Variants in TM2D1 observed in about 807,000 individuals in gnomAD.
The protein encoded by TM2D1 is TM2 domain-containing protein 1.
Under a neutral mutation model 28.4 loss-of-function variants are expected in TM2D1, and 15 were observed. The ratio of observed to expected loss-of-function variants is 0.53; its 90% CI spans 0.35 to 0.81. The LOEUF is 0.81. Among genes scored for constraint, TM2D1 ranks in the 40% least tolerant of loss-of-function variants. The pLI is 0.01. For missense variants in TM2D1, 236 were observed against 254.9 expected, an observed-to-expected ratio of 0.93 and a Z score of 0.50; for synonymous variants, 93 against 96.2, an observed-to-expected ratio of 0.97 and a Z score of 0.20.
At chr1:61,684,270 A>T (rs1644267876) in intron 5 of TM2D1, among the ~76,000 whole-genome samples, 1 of 152,206 alleles carries the variant, frequency 6.6e-6, no homozygotes, top group Non-Finnish European at 1.5e-5. Context: ...ACCAAGGTGT[A>T]TGTGGGCCCA....
chr1:61,716,957 C>A (rs1403799268), intron 2 of TM2D1, among the ~76,000 whole-genome samples: 1 of 152,008 alleles, frequency 6.6e-6, no homozygotes, highest in East Asian at 1.9e-4. Flanking sequence ...AACTCATTAC[C>A]CTTAATCAAT....
intron 2 of TM2D1, among the ~76,000 whole-genome samples, chr1:61,713,236 G>A (rs1312275704): frequency 6.6e-6 from 1 of 151,740 alleles, no homozygotes; most frequent in Non-Finnish European, 1.5e-5. Context: ...CCAGCACTTT[G>A]GGAGGCCGAG....
chr1:61,707,979 G>C (rs1644452915), intron 3 of TM2D1, among the ~76,000 whole-genome samples: 1 of 152,134 alleles, frequency 6.6e-6, no homozygotes, highest in Non-Finnish European at 1.5e-5. Context: ...ACTAAATCAT[G>C]TTTTTAGTAC....
chr1:61,724,716 A>C (rs2148073908), intron 1 of TM2D1, among the ~76,000 whole-genome samples: 1 of 152,290 alleles, frequency 6.6e-6, no homozygotes, highest in Non-Finnish European at 1.5e-5. Flanking sequence ...AGAAAAAAAA[A>C]GTGGATCAGA....
chr1:61,723,681 T>C (rs1644584024), intron 2 of TM2D1, 32 bp downstream of exon 2: 1 of 1,267,376 alleles, frequency 7.9e-7, no homozygotes, highest in Non-Finnish European at 1.1e-6. Context: ...TTTTTAAAAT[T>C]ATTTTTAAAG....
intron 5 of TM2D1, chr1:61,687,038 TCTGC>T: frequency 6.5e-6 from 6 of 929,616 alleles, no homozygotes; most frequent in Non-Finnish European, 7.7e-6. Flanking sequence ...AGTTTATTTC[TCTGC>T]TAAGAAATAT....
rs553586258 is a variant in TM2D1, at chr1:61,704,666, A to G, written c.348-3641T>C. Among the ~76,000 whole-genome samples, 254 of 152,224 alleles carry G rather than the reference A, an allele frequency of 1.7e-3. 3 individuals carry two copies. The highest frequency in any genetic ancestry group is 5.8e-3 in the African/African-American group (243 of 41,578). On this transcript the variant is annotated intron_variant, in intron 3 of 6. Transcript: ENST00000606498. ...AGGCTGGTCTCAAACTTCTGGCCTCAGGTGATCCACCCACCTCAGTCTCCC... is the reference window on the plus strand; with the variant it reads ...AGGCTGGTCTCAAACTTCTGGCCTCGGGTGATCCACCCACCTCAGTCTCCC...
At chr1:61,723,376 T>G (rs1282806949) in intron 2 of TM2D1, among the ~76,000 whole-genome samples, 1 of 152,304 alleles carries the variant, frequency 6.6e-6, no homozygotes, top group African/African-American at 2.4e-5. Flanking sequence ...AAAGGAAGAC[T>G]TTCCATGTGA....
chr1:61,702,880 T>A, intron 3 of TM2D1, among the ~76,000 whole-genome samples: 1 of 151,254 alleles, frequency 6.6e-6, no homozygotes, highest in Admixed American at 6.6e-5. Flanking sequence ...CTGAGGCGGT[T>A]GGATCACATG....
intron 3 of TM2D1, among the ~76,000 whole-genome samples, chr1:61,703,757 C>G (rs1458493843): frequency 6.0e-5 from 3 of 49,988 alleles, no homozygotes; most frequent in East Asian, 4.4e-4. Flanking sequence ...TATATATATG[C>G]ATTTTTTTTT....
chr1:61,703,243 A>G (rs1231651933), intron 3 of TM2D1, among the ~76,000 whole-genome samples: 2 of 148,242 alleles, frequency 1.3e-5, no homozygotes, highest in Non-Finnish European at 3.0e-5. Context: ...TATATATTAT[A>G]TATGATCTAA....
chr1:61,711,841 A>G (rs1004994511), intron 2 of TM2D1, among the ~76,000 whole-genome samples: 1 of 152,164 alleles, frequency 6.6e-6, no homozygotes, highest in Non-Finnish European at 1.5e-5. Flanking sequence ...GGTCAGCAAA[A>G]GTCTGAAATG....
intron 2 of TM2D1, among the ~76,000 whole-genome samples, chr1:61,714,889 A>C (rs540818478): frequency 5.3e-5 from 8 of 152,208 alleles, no homozygotes; most frequent in Non-Finnish European, 2.9e-5. Context: ...CCAAAATCTC[A>C]TATTTTGAGA....
At chr1:61,692,531 GAGAA>G (rs1644335696) in intron 5 of TM2D1, among the ~76,000 whole-genome samples, 2 of 150,782 alleles carry the variant, frequency 1.3e-5, no homozygotes, top group African/African-American at 4.9e-5. Context: ...AGGAAAGAAA[GAGAA>G]AGAAAAGAAA....
chr1:61,720,990 C>T (rs747720738), intron 2 of TM2D1, among the ~76,000 whole-genome samples: 3 of 151,768 alleles, frequency 2.0e-5, no homozygotes, highest in South Asian at 4.2e-4. Flanking sequence ...GAAAGCCAAG[C>T]AGGTGGATCG....
In TM2D1 at chr1:61,684,759, A is replaced by G. The variant is rs76735742; in HGVS notation, c.514-1213T>C. Among the ~76,000 whole-genome samples, 1,192 of 152,168 alleles carry G rather than the reference A, an allele frequency of 7.8e-3. 15 individuals are homozygous for G. The highest frequency in any genetic ancestry group is 0.028 in the African/African-American group (1,146 of 41,518). On this transcript the variant is annotated intron_variant, in intron 5 of 6. Transcript: ENST00000606498. Reference sequence around the variant, plus strand: ...TTAATGAATAAGATGATTCGCTAGAAGTTTTCTCTCTTTCATTTGTTTGTT... The same window carrying G: ...TTAATGAATAAGATGATTCGCTAGAGGTTTTCTCTCTTTCATTTGTTTGTT...
intron 1 of TM2D1, 39 bp downstream of exon 1, chr1:61,724,918 A>G: frequency 6.5e-7 from 1 of 1,545,982 alleles, no homozygotes; most frequent in Admixed American, 1.9e-5. Flanking sequence ...CCCCAACTCT[A>G]CCTCGCCTCC....
chr1:61,681,398 T>C (rs1032143108), intron 6 of TM2D1, 48 bp from the exon 7 acceptor site: 1 of 152,128 alleles, frequency 6.6e-6, no homozygotes, highest in Non-Finnish European at 1.5e-5. Flanking sequence ...TTTTTAAGAG[T>C]CCAATGAGGT....
intron 5 of TM2D1, among the ~76,000 whole-genome samples, chr1:61,692,225 C>T (rs1194067365): frequency 6.6e-5 from 10 of 151,604 alleles, no homozygotes; most frequent in Admixed American, 6.6e-4. Context: ...TAGACAAACT[C>T]ATAAAAGTAT....
Sources: allele counts gnomAD v4.1 joint callset (sites outside exome capture counted in the v4.1 genomes callset), GRCh38; gene constraint gnomAD v4.1.1; transcripts MANE v1.5; gene names NCBI Gene and HGNC (gene_info 2026-07-23, HGNC 2026-07-21).